Variants in NRP2 observed in about 807,000 individuals in gnomAD.
NRP2 encodes the protein neuropilin-2.
In NRP2, 52 loss-of-function variants were observed where a neutral mutation model predicts 110.4. The observed-to-expected ratio is 0.47, with a 90% CI of 0.38 to 0.59. NRP2 has a LOEUF of 0.59. Among genes scored for constraint, NRP2 ranks in the 20% least tolerant of loss-of-function variants. The probability of loss-of-function intolerance (pLI) is 0.00; values close to 1 mark genes in which losing one functional copy is unlikely to be tolerated. For missense variants in NRP2, 1,049 were observed against 1,203.0 expected, an observed-to-expected ratio of 0.87 and a Z score of 1.89; for synonymous variants, 508 against 468.9, an observed-to-expected ratio of 1.08 and a Z score of -1.08.
chr2:205,774,456 C>A (rs987351998), intron 15 of NRP2, among the ~76,000 whole-genome samples: 1 of 152,180 alleles, frequency 6.6e-6, no homozygotes, highest in African/African-American at 2.4e-5. Context: ...GGGGTCATTT[C>A]TACCCCAGGG....
rs1343561530 is a variant in NRP2, at chr2:205,686,089, G to A, written c.73+2726G>A. ...TCTCTAACGCCGCATCGATTTGTTT[G>A]GGCTACGCAGCAGAAACAGAGCCCA... On this transcript the variant is annotated intron_variant, in intron 1 of 16. Coordinates refer to ENST00000357785, the MANE Select transcript of NRP2 (RefSeq NM_003872.3). The surrounding 1 kb of genome is among the most constrained non-coding windows in gnomAD (Gnocchi z 4.7). Among the ~76,000 whole-genome samples, 2 of 148,960 alleles carry A rather than the reference G, an allele frequency of 1.3e-5. No homozygotes were observed. The highest frequency in any genetic ancestry group is 3.0e-5 in the Non-Finnish European group (2 of 67,274).
intron 1 of NRP2, among the ~76,000 whole-genome samples, chr2:205,690,266 G>A (rs1209183041): frequency 6.6e-6 from 1 of 152,158 alleles, no homozygotes; most frequent in African/African-American, 2.4e-5. Context: ...TGAGTAAAGA[G>A]AGGTTTGCTG....
rs1346028281 is a variant in NRP2, at chr2:205,682,777, G to T, written c.-514G>T. On this transcript the variant is annotated 5_prime_UTR_variant, in exon 1 of 17. Coordinates refer to ENST00000357785, the MANE Select transcript of NRP2 (RefSeq NM_003872.3). This position sits in a 1 kb window ranked among gnomAD's most constrained non-coding sequence, Gnocchi z 4.3. ...ACCCGGCGAGGACAAGAGCAGGGCG[G>T]CCGCCTTCCACTCGGGCTGTCCGGC... The T allele has an allele frequency of 6.2e-6, 1 of 161,256 alleles. No individual in the cohort carries two copies. The highest frequency in any genetic ancestry group is 6.1e-5 in the Admixed American group (1 of 16,492). 10.0% of individuals were successfully genotyped at this position (161,256 alleles called of 1,614,324 possible).
chr2:205,789,235 C>T (rs73066195), intron 15 of NRP2, among the ~76,000 whole-genome samples: 2,899 of 152,276 alleles, frequency 0.019, 100 homozygotes, highest in African/African-American at 0.065. Context: ...CACCCTGGCC[C>T]TAATACAGTT....
At chr2:205,700,208 T>A (rs2056523683) in intron 2 of NRP2, among the ~76,000 whole-genome samples, 1 of 152,206 alleles carries the variant, frequency 6.6e-6, no homozygotes, top group South Asian at 2.1e-4. Flanking sequence ...CATACTGCAT[T>A]TTCGTTCCAA....
At chr2:205,754,636 A>C (rs115772765) in intron 12 of NRP2, among the ~76,000 whole-genome samples, 1,990 of 152,050 alleles carry the variant, frequency 0.013, 19 homozygotes, top group Middle Eastern at 0.037. Context: ...CCCAGCCTGG[A>C]TTTTTCATTT....
intron 1 of NRP2, among the ~76,000 whole-genome samples, chr2:205,696,797 T>C (rs1012268269): frequency 4.6e-5 from 7 of 152,318 alleles, no homozygotes; most frequent in Non-Finnish European, 5.9e-5. Flanking sequence ...AGATGTTCAT[T>C]CAACACAAAG....
rs1352159411 is a variant in NRP2, at chr2:205,726,108, T to A, written c.990+26T>A. 2.5e-6 allele frequency: 4 copies of A among 1,613,054 alleles called. No individual in the cohort carries two copies. The East Asian group carries it at 8.9e-5, about 36-fold the overall frequency. ...GTACTTGTGCAGATACCAGAGGATG[T>A]GAGAGTGTGTATGTATTGCTGGGGT... On this transcript the variant is annotated intron_variant, in intron 6 of 16. Coordinates refer to ENST00000357785, the MANE Select transcript of NRP2 (RefSeq NM_003872.3).
chr2:205,716,512 C>T (rs937135069), intron 3 of NRP2, 138 bp downstream of exon 3: 1 of 572,120 alleles, frequency 1.7e-6, no homozygotes, highest in African/African-American at 2.3e-5. Context: ...AAGGTGAACC[C>T]ACAAACATCA....
At chr2:205,770,280 A>G (rs1341137782) in intron 15 of NRP2, among the ~76,000 whole-genome samples, 2 of 152,172 alleles carry the variant, frequency 1.3e-5, no homozygotes, top group Non-Finnish European at 2.9e-5. Context: ...GGGTCTCCCT[A>G]GGTGCCTTTC....
At chr2:205,699,420 A>G (rs1210721562) in intron 2 of NRP2, among the ~76,000 whole-genome samples, 2 of 152,228 alleles carry the variant, frequency 1.3e-5, no homozygotes, top group Non-Finnish European at 1.5e-5. Context: ...ACTAAGGGCC[A>G]AATTCTGTTA....
rs1374960391 is a variant in NRP2, at chr2:205,797,309, A to G, written c.*2251A>G. The G allele has an allele frequency of 6.6e-6, 1 of 152,448 alleles. No homozygotes were observed. The highest frequency in any genetic ancestry group is 2.4e-5 in the African/African-American group (1 of 41,460). 9.4% of individuals were successfully genotyped at this position (152,448 alleles called of 1,614,324 possible). A position where few individuals can be genotyped will look rare whatever the true frequency, so the allele number is the denominator to read the frequency against. ...CACCCTCCCATGATGCGCAGTGTTCAGAAAGCTGGTAAGTCCTAGGGATTT... is the reference window on the plus strand; with the variant it reads ...CACCCTCCCATGATGCGCAGTGTTCGGAAAGCTGGTAAGTCCTAGGGATTT... On this transcript the variant is annotated 3_prime_UTR_variant, in exon 17 of 17. Transcript: ENST00000357785.
intron 12 of NRP2, among the ~76,000 whole-genome samples, chr2:205,760,608 T>A (rs1387456444): frequency 6.7e-6 from 1 of 150,068 alleles, no homozygotes; most frequent in African/African-American, 2.5e-5. Context: ...GAGAGGGAGA[T>A]GGGAGAGAAG....
In NRP2 at chr2:205,734,413, C is replaced by T. The variant is rs1258121470; in HGVS notation, c.1147-6106C>T. Among the ~76,000 whole-genome samples the T allele has an allele frequency of 4.0e-5, 6 of 149,792 alleles. 1 individual carries two copies. The highest frequency in any genetic ancestry group is 2.5e-5 in the African/African-American group (1 of 40,598). ...CATTTCCCACCGCCCCCCCCCACCC[C>T]GCATCGCAACAGTTCCCTCCCCCTA... is the stretch of plus-strand genomic sequence containing the variant. On this transcript the variant is annotated intron_variant, in intron 7 of 16. Coordinates refer to ENST00000357785, the MANE Select transcript of NRP2 (RefSeq NM_003872.3).
At chr2:205,710,038 C>T (rs1411107435) in intron 2 of NRP2, among the ~76,000 whole-genome samples, 1 of 152,206 alleles carries the variant, frequency 6.6e-6, no homozygotes, top group Non-Finnish European at 1.5e-5. Flanking sequence ...TTTGGTAAGT[C>T]CTTCAGCCTT....
chr2:205,781,410 T>C (rs2058172160), intron 15 of NRP2, among the ~76,000 whole-genome samples: 1 of 152,272 alleles, frequency 6.6e-6, no homozygotes, highest in African/African-American at 2.4e-5. Context: ...CCTGGTTCTT[T>C]GTGATGGTTT....
intron 12 of NRP2, among the ~76,000 whole-genome samples, chr2:205,761,219 C>T (rs972881611): frequency 3.3e-5 from 5 of 152,124 alleles, no homozygotes; most frequent in Admixed American, 6.6e-5. Context: ...ATTCTTTAAC[C>T]GTGTATTTAT....
At chr2:205,736,708 G>A (rs1453119117) in intron 7 of NRP2, among the ~76,000 whole-genome samples, 1 of 152,168 alleles carries the variant, frequency 6.6e-6, no homozygotes, top group Admixed American at 6.5e-5. Context: ...AGAAACCAAG[G>A]TATCTAAGGT....
At chr2:205,685,150 T>G (rs1179874238) in intron 1 of NRP2, among the ~76,000 whole-genome samples, 3 of 152,218 alleles carry the variant, frequency 2.0e-5, no homozygotes, top group Non-Finnish European at 4.4e-5. Context: ...CTCTGCCACC[T>G]GCCTGCCGCG....
Sources: gnomAD v4.1 joint callset for allele counts (sites outside exome capture counted in the v4.1 genomes callset) on GRCh38, gnomAD v4.1.1 for gene constraint, Gnocchi (gnomAD v3.1) non-coding constraint, MANE v1.5 for transcripts, NCBI Gene and HGNC (gene_info 2026-07-23, HGNC 2026-07-21) for gene names.